The following AHI1 variants were observed in gnomAD, a reference collection of about 807,000 sequenced individuals.
The protein encoded by AHI1 is Abelson helper integration site 1.
Under a neutral mutation model 149.3 loss-of-function variants are expected in AHI1, and 123 were observed. The observed-to-expected ratio is 0.82, with a 90% CI of 0.71 to 0.96. The LOEUF (loss-of-function observed/expected upper bound fraction) is 0.96, where lower values mean the gene tolerates loss of function less well. Among genes scored for constraint, AHI1 ranks in the 40% least tolerant of loss-of-function variants. The pLI, the probability that AHI1 is intolerant of heterozygous loss-of-function variation, is 0.00. For missense variants in AHI1, 1,439 were observed against 1,422.7 expected, an observed-to-expected ratio of 1.01 and a Z score of -0.18; for synonymous variants, 475 against 459.8, an observed-to-expected ratio of 1.03 and a Z score of -0.42.
At chr6:135,401,725 C>A (rs1299123739) in intron 22 of AHI1, among the ~76,000 whole-genome samples, 2 of 152,006 alleles carry the variant, frequency 1.3e-5, no homozygotes, top group African/African-American at 4.8e-5. Flanking sequence ...AGATTTAAAA[C>A]TATAAAAATC....
chr6:135,474,379 G>A (rs1792249355), intron 5 of AHI1: 1 of 152,290 alleles, frequency 6.6e-6, no homozygotes, highest in Admixed American at 6.5e-5. Flanking sequence ...TACACACAGT[G>A]ACTGACACAT....
In AHI1 at chr6:135,411,301, C is replaced by G. The variant is rs566531021; in HGVS notation, c.2961+47G>C. On this transcript the variant is annotated intron_variant, in intron 21 of 28. Coordinates refer to ENST00000265602, the MANE Select transcript of AHI1 (RefSeq NM_001134831.2). Reference sequence around the variant, plus strand: ...TATTTATTGGCATGGCAATGTAAAACAGGATAGAAATAGTTTTAAAGTTTC... The same window carrying G: ...TATTTATTGGCATGGCAATGTAAAAGAGGATAGAAATAGTTTTAAAGTTTC... 10 of 1,523,614 alleles carry G rather than the reference C, an allele frequency of 6.6e-6. No individual in the cohort carries two copies. The East Asian group carries it at 2.3e-4, about 35-fold the overall frequency. 94.4% of individuals were successfully genotyped at this position (1,523,614 alleles called of 1,614,324 possible). A position where few individuals can be genotyped will look rare whatever the true frequency, so the allele number is the denominator to read the frequency against.
intron 23 of AHI1, among the ~76,000 whole-genome samples, chr6:135,377,535 C>T (rs1165671493): frequency 6.6e-6 from 1 of 151,822 alleles, no homozygotes; most frequent in African/African-American, 2.4e-5. Context: ...GGATGGAGTG[C>T]AGCGGCATAA....
At chr6:135,439,013 G>A (rs1450101442) in intron 14 of AHI1, among the ~76,000 whole-genome samples, 4 of 152,112 alleles carry the variant, frequency 2.6e-5, no homozygotes, top group South Asian at 2.1e-4. Flanking sequence ...GACACACAAA[G>A]CACTGTGGTA....
chr6:135,340,679 A>G (rs1253681154), intron 24 of AHI1, among the ~76,000 whole-genome samples: 6 of 134,524 alleles, frequency 4.5e-5, no homozygotes, highest in Non-Finnish European at 6.4e-5. Context: ...ATATATATAT[A>G]TATATATATA....
At chr6:135,339,784 G>T (rs1315005882) in intron 24 of AHI1, among the ~76,000 whole-genome samples, 1 of 152,130 alleles carries the variant, frequency 6.6e-6, no homozygotes, top group African/African-American at 2.4e-5. Context: ...AAAGTTGATG[G>T]AAAACATTAA....
chr6:135,468,945 C>G (rs1438890333), intron 5 of AHI1, among the ~76,000 whole-genome samples: 1 of 152,156 alleles, frequency 6.6e-6, no homozygotes, highest in African/African-American at 2.4e-5. Flanking sequence ...GAACTGGAAC[C>G]ATTTCTACTA....
intron 11 of AHI1, among the ~76,000 whole-genome samples, chr6:135,452,933 A>C (rs1418145523): frequency 6.6e-6 from 1 of 152,190 alleles, no homozygotes; most frequent in East Asian, 1.9e-4. Context: ...ATTTATAAAA[A>C]TTTATAATTA....
At chr6:135,311,655 C>T (rs1415518326) in intron 26 of AHI1, among the ~76,000 whole-genome samples, 2 of 152,048 alleles carry the variant, frequency 1.3e-5, no homozygotes, top group Non-Finnish European at 2.9e-5. Flanking sequence ...AATAAAAAGG[C>T]TAAAAAGCAA....
intron 23 of AHI1, among the ~76,000 whole-genome samples, chr6:135,371,843 T>C (rs1775112376): frequency 2.0e-5 from 3 of 152,158 alleles, no homozygotes; most frequent in Non-Finnish European, 4.4e-5. Flanking sequence ...CTACTCGGTG[T>C]TGAGCAAGGA....
chr6:135,418,658 A>C (rs186886411), intron 20 of AHI1, among the ~76,000 whole-genome samples: 1 of 152,230 alleles, frequency 6.6e-6, no homozygotes, highest in Non-Finnish European at 1.5e-5. Flanking sequence ...TTTATAATGA[A>C]GTGAACCTGG....
Position 135,439,662 on chromosome 6 carries a change from T to C in AHI1, c.1913-1164A>G, listed in dbSNP as rs563390066. Among the ~76,000 whole-genome samples the C allele has an allele frequency of 2.6e-4, 39 of 152,338 alleles. No homozygotes were observed. In the South Asian group the frequency reaches 8.1e-3, roughly 32 times the overall value. Reference sequence around the variant, plus strand: ...GAACGAAAAAGAGGTTTGTGCTAGTTTTGCTGTCACACCTCAAACGACAAA... The same window carrying C: ...GAACGAAAAAGAGGTTTGTGCTAGTCTTGCTGTCACACCTCAAACGACAAA... On this transcript the variant is annotated intron_variant, in intron 14 of 28. Transcript: ENST00000265602.
chr6:135,479,974 C>T (rs1404888936), intron 5 of AHI1, among the ~76,000 whole-genome samples: 1 of 152,210 alleles, frequency 6.6e-6, no homozygotes, highest in African/African-American at 2.4e-5. Context: ...AAGACTGTGC[C>T]TGCTTCCCAT....
chr6:135,450,915 G>A (rs1484872636), intron 11 of AHI1, among the ~76,000 whole-genome samples: 3 of 152,112 alleles, frequency 2.0e-5, no homozygotes, highest in Non-Finnish European at 4.4e-5. Context: ...TTGAATTACT[G>A]TAATAACTTA....
chr6:135,465,692 G>A, intron 7 of AHI1, 122 bp downstream of exon 7: 2 of 781,962 alleles, frequency 2.6e-6, no homozygotes, highest in Admixed American at 3.7e-5. Context: ...TCTTATCTTA[G>A]TGACAATGTC....
chr6:135,398,443 T>C (rs887300468), intron 22 of AHI1, among the ~76,000 whole-genome samples: 5 of 152,202 alleles, frequency 3.3e-5, no homozygotes, highest in South Asian at 2.1e-4. Flanking sequence ...TCATTACTAC[T>C]ACATTAGCTA....
chr6:135,292,598 C>T (rs779483854), intron 27 of AHI1, among the ~76,000 whole-genome samples: 9 of 152,156 alleles, frequency 5.9e-5, no homozygotes, highest in Non-Finnish European at 1.2e-4. Flanking sequence ...GATGAGTGCA[C>T]ACATCTGGGA....
chr6:135,467,688 G>C, intron 5 of AHI1, 54 bp from the exon 6 acceptor site: 1 of 1,286,686 alleles, frequency 7.8e-7, no homozygotes, highest in South Asian at 1.4e-5. Flanking sequence ...GTTGTATCAA[G>C]AAAAACCAAT....
chr6:135,450,917 A>G (rs1429216695), intron 11 of AHI1, among the ~76,000 whole-genome samples: 4 of 152,210 alleles, frequency 2.6e-5, no homozygotes, highest in Middle Eastern at 6.3e-3. Flanking sequence ...GAATTACTGT[A>G]ATAACTTAAC....
Sources: allele counts gnomAD v4.1 joint callset (sites outside exome capture counted in the v4.1 genomes callset), GRCh38; gene constraint gnomAD v4.1.1; transcripts MANE v1.5; gene names NCBI Gene and HGNC (gene_info 2026-07-23, HGNC 2026-07-21).